Variants in MBP observed in about 807,000 individuals in gnomAD.
MBP encodes the protein myelin basic protein, also known as Golli-MBP.
In MBP, 16 loss-of-function variants were observed where a neutral mutation model predicts 35.8. The observed-to-expected ratio is 0.45, with a 90% confidence interval of 0.30 to 0.68. The LOEUF is 0.68. Among genes scored for constraint, MBP ranks in the 30% least tolerant of loss-of-function variants. The pLI is 0.08. For synonymous variants in MBP, 143 were observed against 159.6 expected, an observed-to-expected ratio of 0.90 and a Z score of 0.78; for missense variants, 380 against 404.7, an observed-to-expected ratio of 0.94 and a Z score of 0.52.
At chr18:77,076,183 G>A (rs976330709) in intron 2 of MBP, among the ~76,000 whole-genome samples, 21 of 152,234 alleles carry the variant, frequency 1.4e-4, no homozygotes, top group African/African-American at 4.8e-4. Context: ...GTCCCACGGA[G>A]AAGTGAGCCC....
chr18:77,064,775 G>A (rs1176167157), intron 3 of MBP, among the ~76,000 whole-genome samples: 1 of 152,226 alleles, frequency 6.6e-6, no homozygotes, highest in East Asian at 1.9e-4. Flanking sequence ...TGTTTGCCTT[G>A]AATGTTGTCT....
At chr18:76,985,141 G>A in intron 7 of MBP, 1 of 1,534,456 alleles carries the variant, frequency 6.5e-7, no homozygotes. Flanking sequence ...GCTCTCTCAT[G>A]AGATATGCGG....
At chr18:77,132,110 C>T (rs1977299071) in intron 1 of MBP, among the ~76,000 whole-genome samples, 1 of 152,160 alleles carries the variant, frequency 6.6e-6, no homozygotes, top group South Asian at 2.1e-4. Flanking sequence ...TCCACACCCG[C>T]CCAGAGTGGC....
At chr18:77,042,528 T>C (rs1462078303) in intron 3 of MBP, among the ~76,000 whole-genome samples, 1 of 152,248 alleles carries the variant, frequency 6.6e-6, no homozygotes, top group African/African-American at 2.4e-5. Context: ...ATACGTATTC[T>C]GTATTGCGGG....
intron 2 of MBP, among the ~76,000 whole-genome samples, chr18:77,077,464 C>G (rs922069434): frequency 6.6e-6 from 1 of 152,150 alleles, no homozygotes; most frequent in Non-Finnish European, 1.5e-5. Flanking sequence ...CTAGGTGACT[C>G]CCAGGCCCTC....
intron 3 of MBP, among the ~76,000 whole-genome samples, chr18:77,052,885 G>A (rs1196713246): frequency 1.3e-5 from 2 of 152,124 alleles, no homozygotes; most frequent in Non-Finnish European, 2.9e-5. Context: ...GGACTTCAGG[G>A]GCGCTGTCCC....
chr18:77,025,309 G>A (rs115966739), intron 3 of MBP, among the ~76,000 whole-genome samples: 2,523 of 152,290 alleles, frequency 0.017, 88 homozygotes, highest in African/African-American at 0.056. Context: ...GCTAGCAGCT[G>A]CTTCACGGAG....
At position 76,988,233 on chromosome 18, in the gene MBP, A is replaced by T; in HGVS notation, c.750+262T>A. ...GGGAGACCAGTCACGTCGCCTGGGA[A>T]CCCTCTGGGAGAAGAGGATCTGGCC... On this transcript the variant is annotated intron_variant, in intron 7 of 8. Transcript: ENST00000355994. This position sits in a 1 kb window ranked among gnomAD's most constrained non-coding sequence, Gnocchi z 5.2. The T allele has an allele frequency of 6.5e-7, 1 of 1,549,488 alleles. No individual in the cohort carries two copies. Among genetic ancestry groups the T allele is most frequent in the Non-Finnish European group, 8.7e-7 (1 of 1,146,914 alleles).
chr18:77,081,816 A>ATACACACACACACATATATATACACACAC, intron 2 of MBP, among the ~76,000 whole-genome samples: 1 of 55,666 alleles, frequency 1.8e-5, no homozygotes, highest in African/African-American at 4.6e-5. Flanking sequence ...GCACACACAT[A>ATACACACACACACATATATATACACACAC]TATACACACA....
At chr18:77,019,064 CCA>C (rs2123489395) in intron 3 of MBP, among the ~76,000 whole-genome samples, 1 of 112,116 alleles carries the variant, frequency 8.9e-6, no homozygotes, top group South Asian at 2.7e-4. Flanking sequence ...ATCCATCCAT[CCA>C]TCCATCCATC....
At chr18:77,048,662 C>G (rs1053925486) in intron 3 of MBP, among the ~76,000 whole-genome samples, 4 of 152,054 alleles carry the variant, frequency 2.6e-5, no homozygotes, top group African/African-American at 7.2e-5. Context: ...CGGGGTTTCA[C>G]CATGTTGGTC....
intron 2 of MBP, among the ~76,000 whole-genome samples, chr18:77,103,220 A>ATT (rs570087067): frequency 6.6e-6 from 1 of 152,192 alleles, no homozygotes; most frequent in African/African-American, 2.4e-5. Flanking sequence ...AGAAGGCCCC[A>ATT]TTTCTTCCAA....
At chr18:77,078,553 T>C (rs1188322444) in intron 2 of MBP, among the ~76,000 whole-genome samples, 2 of 152,216 alleles carry the variant, frequency 1.3e-5, no homozygotes, top group Admixed American at 6.5e-5. Flanking sequence ...CTCACTATCT[T>C]TGCGTTCAGC....
chr18:76,980,749 C>T (rs999560054), intron 8 of MBP: 5 of 428,576 alleles, frequency 1.2e-5, no homozygotes, highest in African/African-American at 2.0e-5. Flanking sequence ...TGCAAAACAA[C>T]GCTGCACTTC....
chr18:77,088,329 G>A (rs975576838), intron 2 of MBP, among the ~76,000 whole-genome samples: 3 of 152,186 alleles, frequency 2.0e-5, no homozygotes, highest in African/African-American at 7.2e-5. Flanking sequence ...CCTTTAATGA[G>A]GGCAGGACCC....
At chr18:77,132,389 T>A (rs1115014) in intron 1 of MBP, among the ~76,000 whole-genome samples, 191 bp downstream of exon 1, 1 of 152,164 alleles carries the variant, frequency 6.6e-6, no homozygotes, top group African/African-American at 2.4e-5. Flanking sequence ...GCCTAGGTTC[T>A]CCCTGCGCGT....
intron 1 of MBP, among the ~76,000 whole-genome samples, chr18:77,120,532 GC>G (rs1285996279): frequency 6.6e-6 from 1 of 152,218 alleles, no homozygotes; most frequent in African/African-American, 2.4e-5. Context: ...ATGAATGAAT[GC>G]CCTCTGCCTG....
chr18:77,065,766 T>G (rs1400092017), intron 3 of MBP: 2 of 154,756 alleles, frequency 1.3e-5, no homozygotes, highest in African/African-American at 4.8e-5. Flanking sequence ...TGTCTATGTG[T>G]GCAACAAGGC....
At chr18:77,026,395 CGAATAAAACTA>C (rs1972225504) in intron 3 of MBP, among the ~76,000 whole-genome samples, 1 of 152,184 alleles carries the variant, frequency 6.6e-6, no homozygotes, top group Non-Finnish European at 1.5e-5. Context: ...GAAAACATAA[CGAATAAAACTA>C]GAATAAAACA....
Sources: gnomAD v4.1 joint callset for allele counts (sites outside exome capture counted in the v4.1 genomes callset) on GRCh38, gnomAD v4.1.1 for gene constraint, Gnocchi (gnomAD v3.1) non-coding constraint, MANE v1.5 for transcripts, NCBI Gene and HGNC (gene_info 2026-07-23, HGNC 2026-07-21) for gene names.